Variants in MYO19 observed in about 807,000 individuals in gnomAD.
MYO19 encodes unconventional myosin-XIX.
Under a neutral mutation model 129.2 loss-of-function variants are expected in MYO19, and 132 were observed. The ratio of observed to expected loss-of-function variants is 1.02; its 90% CI spans 0.89 to 1.18. MYO19 has a LOEUF of 1.18. Ranked by LOEUF, MYO19 falls within the 50% of genes most tolerant of loss-of-function variation. The probability of loss-of-function intolerance (pLI) is 0.00; values close to 1 mark genes in which losing one functional copy is unlikely to be tolerated. For synonymous variants in MYO19, 531 were observed against 477.2 expected (o/e 1.11, Z -1.47); for missense variants, 1,210 against 1,216.7 (o/e 0.99, Z 0.08).
intron 2 of MYO19, among the ~76,000 whole-genome samples, chr17:36,540,652 G>A (rs1367597165): frequency 6.6e-6 from 1 of 152,066 alleles, no homozygotes; most frequent in Non-Finnish European, 1.5e-5. Flanking sequence ...ATATAGGCAT[G>A]AGCCACCGCA....
At chr17:36,514,904 C>T (rs926804287) in intron 8 of MYO19, among the ~76,000 whole-genome samples, 6 of 152,290 alleles carry the variant, frequency 3.9e-5, no homozygotes, top group South Asian at 2.1e-4. Context: ...CCTGAATAAG[C>T]GCACTGCCCC....
chr17:36,538,582 T>C, upstream of MYO19: 1 of 1,612,058 alleles, frequency 6.2e-7, no homozygotes, highest in African/African-American at 1.3e-5. Flanking sequence ...GTATATGTAC[T>C]ATATTTGCAA....
At chr17:36,525,698 T>A (rs2073421818) in intron 5 of MYO19, among the ~76,000 whole-genome samples, 1 of 152,204 alleles carries the variant, frequency 6.6e-6, no homozygotes, top group Admixed American at 6.5e-5. Flanking sequence ...GTCCACTAAT[T>A]GGAAATATAA....
chr17:36,543,906 C>T (rs990088672), upstream of MYO19, among the ~76,000 whole-genome samples: 5 of 152,190 alleles, frequency 3.3e-5, no homozygotes, highest in Admixed American at 6.5e-5. Flanking sequence ...GGATTACAGG[C>T]GTGAGCCACC....
chr17:36,512,898 G>C, intron 11 of MYO19: 1 of 1,058,936 alleles, frequency 9.4e-7, no homozygotes, highest in South Asian at 1.6e-5. Flanking sequence ...TGTTCCAGAG[G>C]ACGACGGGGC....
chr17:36,497,713 C>T (rs912778281), intron 25 of MYO19: 16 of 211,036 alleles, frequency 7.6e-5, no homozygotes, highest in Non-Finnish European at 1.1e-4. Flanking sequence ...GCCTCCCGAG[C>T]AGCTGGGACT....
At position 36,530,655 on chromosome 17, in the gene MYO19, C is replaced by T. The variant is rs1286476497; in HGVS notation, c.12+1872G>A. On this transcript the variant is annotated intron_variant, in intron 3 of 25. Transcript: ENST00000614623. ...TTTTTTTTTGACACAGAGTCTCGCTCTATCGCCCAGGCTGGAGTGCAGTGG... is the reference window on the plus strand; with the variant it reads ...TTTTTTTTTGACACAGAGTCTCGCTTTATCGCCCAGGCTGGAGTGCAGTGG... 2.0e-5 allele frequency among the ~76,000 whole-genome samples: 3 copies of T among 151,418 alleles called. No individual in the cohort carries two copies. In the East Asian group the frequency reaches 5.8e-4, roughly 29 times the overall value.
At chr17:36,505,453 G>GGCAGC in intron 18 of MYO19, 49 bp from the exon 19 acceptor site, 2 of 1,405,750 alleles carry the variant, frequency 1.4e-6, no homozygotes, top group East Asian at 2.3e-5. Context: ...GCTGCCCAGG[G>GGCAGC]CCATCAACTG....
At chr17:36,536,851 G>A (rs1298338034), upstream of MYO19, among the ~76,000 whole-genome samples, 1 of 152,106 alleles carries the variant, frequency 6.6e-6, no homozygotes, top group Non-Finnish European at 1.5e-5. Context: ...TCTTGTACAG[G>A]GAATAGCTGA....
intron 23 of MYO19, chr17:36,499,491 G>C (rs2071308492): frequency 1.0e-5 from 2 of 190,646 alleles, no homozygotes; most frequent in African/African-American, 2.3e-5. Context: ...TGGATTGTCT[G>C]TGCCTTTAAA....
intron 2 of MYO19, among the ~76,000 whole-genome samples, chr17:36,540,669 C>T (rs1567810652): frequency 6.6e-6 from 1 of 152,160 alleles, no homozygotes; most frequent in Non-Finnish European, 1.5e-5. Context: ...CGCACCCAAC[C>T]AGGTGTGTTT....
At chr17:36,499,654 CTTTTTGTTTCTTTT>C (rs2071335516) in intron 23 of MYO19, 1 of 73,092 alleles carries the variant, frequency 1.4e-5, no homozygotes, top group African/African-American at 6.0e-5. Context: ...TATTCTTTTT[CTTTTTGTTTCTTTT>C]TTTTTTTTTT....
intron 9 of MYO19, among the ~76,000 whole-genome samples, chr17:36,513,956 G>A (rs2072553996): frequency 6.6e-6 from 1 of 152,198 alleles, no homozygotes; most frequent in Non-Finnish European, 1.5e-5. Flanking sequence ...CTGCAGTCTG[G>A]TGAAAAAAGG....
chr17:36,500,009 C>G (rs1307912532), intron 23 of MYO19: 1 of 152,034 alleles, frequency 6.6e-6, no homozygotes, highest in Non-Finnish European at 1.5e-5. Context: ...TAGGTGCATA[C>G]TACCACACTT....
chr17:36,519,966 T>C (rs1166841424), intron 6 of MYO19, among the ~76,000 whole-genome samples: 1 of 152,118 alleles, frequency 6.6e-6, no homozygotes, highest in Non-Finnish European at 1.5e-5. Context: ...CATTTTTATG[T>C]AATATTTATT....
At chr17:36,504,849 G>A (rs2071766004) in intron 19 of MYO19, 1 of 212,542 alleles carries the variant, frequency 4.7e-6, no homozygotes, top group Non-Finnish European at 9.7e-6. Flanking sequence ...GGAGGCGGAA[G>A]TTGCAGTGAG....
chr17:36,514,745 G>A (rs937959504), intron 8 of MYO19, among the ~76,000 whole-genome samples, 197 bp from the exon 9 acceptor site: 8 of 152,214 alleles, frequency 5.3e-5, no homozygotes, highest in Admixed American at 2.0e-4. Context: ...TCTAGCTCAG[G>A]TGGGCAGGGC....
chr17:36,512,703 C>A (rs1053729364), intron 11 of MYO19: 13 of 1,289,188 alleles, frequency 1.0e-5, no homozygotes, highest in Non-Finnish European at 1.3e-5. Context: ...GGGTCACTTT[C>A]CACTGCATTG....
chr17:36,519,007 C>T (rs1365802335), intron 6 of MYO19, among the ~76,000 whole-genome samples: 1 of 152,100 alleles, frequency 6.6e-6, no homozygotes, highest in South Asian at 2.1e-4. Flanking sequence ...CAGAGTCTTG[C>T]TTGCTCTGTG....
Sources: gnomAD v4.1 joint callset for allele counts (sites outside exome capture counted in the v4.1 genomes callset) on GRCh38, gnomAD v4.1.1 for gene constraint, MANE v1.5 for transcripts, NCBI Gene and HGNC (gene_info 2026-07-23, HGNC 2026-07-21) for gene names.